Variants in SWT1 observed in about 807,000 individuals in gnomAD.
SWT1 encodes SWT1 RNA endoribonuclease homolog.
A neutral mutation model predicts 107.3 loss-of-function variants in SWT1; 33 were observed. That is an observed-to-expected ratio of 0.31 (90% confidence interval 0.23 to 0.41). The LOEUF (loss-of-function observed/expected upper bound fraction) is 0.41. Ranked by LOEUF, SWT1 falls within the 10% of genes least tolerant of loss-of-function variation. The pLI is 1.00. For missense variants in SWT1, 898 were observed against 1,028.9 expected, an observed-to-expected ratio of 0.87 and a Z score of 1.74; for synonymous variants, 345 against 348.3, an observed-to-expected ratio of 0.99 and a Z score of 0.11.
chr1:185,273,285 A>G (rs543246376), intron 17 of SWT1, among the ~76,000 whole-genome samples: 65 of 152,206 alleles, frequency 4.3e-4, no homozygotes, highest in Middle Eastern at 3.4e-3. Flanking sequence ...TGGGCCTGCA[A>G]TCCCAGCTAC....
At chr1:185,221,044 CACACAG>C (rs927646030) in intron 14 of SWT1, among the ~76,000 whole-genome samples, 4 of 71,306 alleles carry the variant, frequency 5.6e-5, no homozygotes, top group Non-Finnish European at 1.1e-4. Context: ...TGTGTGCGTG[CACACAG>C]ACACACACAC....
Position 185,168,322 on chromosome 1 carries a change from T to TAAATGATATAC in SWT1, c.166-18_166-17insAAATGATATAC. The TAAATGATATAC allele has an allele frequency of 1.5e-6, 2 of 1,308,682 alleles. No individual in the cohort carries two copies. The highest frequency in any genetic ancestry group is 2.8e-5 in the East Asian group (1 of 35,098). The allele number at this position is 1,308,682 out of a possible 1,614,324, so 81.1% of individuals were successfully genotyped here. A position where few individuals can be genotyped will look rare whatever the true frequency, so the allele number is the denominator to read the frequency against. On this transcript the variant is annotated splice_polypyrimidine_tract_variant and intron_variant, in intron 3 of 18. Transcript: ENST00000367500. ...GTACCAGTGCACAATTTATGTGTCC[T>TAAATGATATAC]TTTTTTATTTATTTCAGAAATCAGA... is the stretch of plus-strand genomic sequence containing the variant.
At chr1:185,267,836 C>T (rs1663514459) in intron 16 of SWT1, among the ~76,000 whole-genome samples, 1 of 152,074 alleles carries the variant, frequency 6.6e-6, no homozygotes, top group African/African-American at 2.4e-5. Context: ...ATTCAAAAAG[C>T]CTTTTGTCTT....
At chr1:185,267,990 T>G (rs1184979295) in intron 16 of SWT1, among the ~76,000 whole-genome samples, 1 of 152,234 alleles carries the variant, frequency 6.6e-6, no homozygotes, top group African/African-American at 2.4e-5. Flanking sequence ...AGTAAAAGTT[T>G]GCAATTTTTT....
chr1:185,212,813 A>C (rs990539461), intron 13 of SWT1, among the ~76,000 whole-genome samples: 24 of 152,008 alleles, frequency 1.6e-4, no homozygotes, highest in Non-Finnish European at 2.8e-4. Flanking sequence ...CAAAAAAAAA[A>C]AAAAACTTCT....
At chr1:185,238,225 A>G (rs1469487316) in intron 16 of SWT1, among the ~76,000 whole-genome samples, 1 of 151,918 alleles carries the variant, frequency 6.6e-6, no homozygotes, top group Non-Finnish European at 1.5e-5. Context: ...GGCTCAAGTG[A>G]TCCTCCTTTC....
chr1:185,244,116 A>T (rs1661439220), intron 16 of SWT1, among the ~76,000 whole-genome samples: 1 of 151,944 alleles, frequency 6.6e-6, no homozygotes, highest in African/African-American at 2.4e-5. Flanking sequence ...TCTTAAAAAA[A>T]AAATAGGGAT....
Position 185,225,909 on chromosome 1 carries a change from C to T in SWT1, c.2309+3873C>T, listed in dbSNP as rs146262391. ...TTTAGTGTGCATAAACATAAACTATCTACTGGCTTTATAACCTGTCATGCT... is the reference window on the plus strand; with the variant it reads ...TTTAGTGTGCATAAACATAAACTATTTACTGGCTTTATAACCTGTCATGCT... On this transcript the variant is annotated intron_variant, in intron 15 of 18. Transcript: ENST00000367500. Among the ~76,000 whole-genome samples the T allele has an allele frequency of 3.5e-4, 54 of 152,246 alleles. No individual in the cohort carries two copies. In the East Asian group the frequency reaches 0.01, roughly 29 times the overall value.
intron 17 of SWT1, 107 bp from the exon 18 acceptor site, chr1:185,276,497 A>G: frequency 1.8e-6 from 1 of 553,880 alleles, no homozygotes; most frequent in East Asian, 3.2e-5. Flanking sequence ...TTTTTATGCA[A>G]TAACTAGAAA....
chr1:185,259,192 T>C (rs1456130139), intron 16 of SWT1, among the ~76,000 whole-genome samples: 1 of 152,166 alleles, frequency 6.6e-6, no homozygotes, highest in East Asian at 1.9e-4. Flanking sequence ...AGTCAGCCAA[T>C]ATTAATCAAT....
chr1:185,208,444 T>A (rs1346962930), intron 13 of SWT1, among the ~76,000 whole-genome samples: 2 of 152,186 alleles, frequency 1.3e-5, no homozygotes, highest in Non-Finnish European at 1.5e-5. Flanking sequence ...TTCTGCTGCA[T>A]TGTAGGATGA....
intron 18 of SWT1, among the ~76,000 whole-genome samples, chr1:185,285,958 T>G (rs1377028121): frequency 6.6e-6 from 1 of 152,220 alleles, no homozygotes; most frequent in Non-Finnish European, 1.5e-5. Context: ...ATAGTTGCTT[T>G]GTAGTGAGTT....
chr1:185,289,678 TA>T lies in SWT1; in HGVS notation c.2574-989del, dbSNP rs202035890. Among the ~76,000 whole-genome samples the T allele has an allele frequency of 7.7e-3, 1,171 of 152,132 alleles. 11 individuals are homozygous for T. Among genetic ancestry groups the T allele is most frequent in the South Asian group, 0.03 (143 of 4,820 alleles). The stretch of plus-strand genomic sequence containing the variant: ...TACACAGTGGAATACTATTCACTCT[TA>T]AAAAAAGAAGAAAATCCTGTCATCT... On this transcript the variant is annotated intron_variant, in intron 18 of 18. Transcript: ENST00000367500.
At chr1:185,199,025 C>T (rs1185761113) in intron 10 of SWT1, among the ~76,000 whole-genome samples, 1 of 151,532 alleles carries the variant, frequency 6.6e-6, no homozygotes, top group Admixed American at 6.6e-5. Context: ...GCAGCCTCCA[C>T]ATCCTGGGTT....
chr1:185,287,312 A>G (rs528815050), intron 18 of SWT1, among the ~76,000 whole-genome samples: 32 of 152,210 alleles, frequency 2.1e-4, no homozygotes, highest in Non-Finnish European at 3.8e-4. Flanking sequence ...ATTAATAGGA[A>G]AATCTAGAGA....
intron 9 of SWT1, among the ~76,000 whole-genome samples, chr1:185,189,056 G>C (rs1239759047): frequency 6.6e-6 from 1 of 152,102 alleles, no homozygotes; most frequent in Non-Finnish European, 1.5e-5. Context: ...ATAGCTCACT[G>C]TAGGCTTGAA....
chr1:185,217,211 C>T (rs774926138), intron 14 of SWT1, among the ~76,000 whole-genome samples: 2 of 152,062 alleles, frequency 1.3e-5, no homozygotes, highest in Non-Finnish European at 2.9e-5. Flanking sequence ...ATTGAGTAAA[C>T]GAAGAACTTT....
chr1:185,288,028 ATAAG>A (rs1665045867), intron 18 of SWT1, among the ~76,000 whole-genome samples: 1 of 152,260 alleles, frequency 6.6e-6, no homozygotes, highest in Non-Finnish European at 1.5e-5. Context: ...TGTGGAATAA[ATAAG>A]GACAGGAATA....
intron 16 of SWT1, among the ~76,000 whole-genome samples, chr1:185,264,914 A>G (rs1265317287): frequency 6.6e-6 from 1 of 152,200 alleles, no homozygotes; most frequent in Non-Finnish European, 1.5e-5. Context: ...TTTATGTCTA[A>G]CAAACATGTA....
Sources: allele counts gnomAD v4.1 joint callset (sites outside exome capture counted in the v4.1 genomes callset), GRCh38; gene constraint gnomAD v4.1.1; transcripts MANE v1.5; gene names NCBI Gene and HGNC (gene_info 2026-07-23, HGNC 2026-07-21).